The following MAP3K7CL variants were observed in gnomAD, a reference collection of about 807,000 sequenced individuals.
MAP3K7CL encodes the protein MAP3K7 C-terminal-like protein.
MAP3K7CL carries 16 observed loss-of-function variants against 18.6 expected under a neutral mutation model. The ratio of observed to expected loss-of-function variants is 0.86; its 90% CI spans 0.58 to 1.31. The LOEUF (loss-of-function observed/expected upper bound fraction) is 1.31, where lower values mean the gene tolerates loss of function less well. Among genes scored for constraint, MAP3K7CL ranks in the 50% most tolerant of loss-of-function variants. The pLI is 0.00. For missense variants in MAP3K7CL, 163 were observed against 174.4 expected, an observed-to-expected ratio of 0.93 and a Z score of 0.37; for synonymous variants, 65 against 66.8, an observed-to-expected ratio of 0.97 and a Z score of 0.13.
At chr21:29,093,079 T>C (rs544964953) in intron 4 of MAP3K7CL, among the ~76,000 whole-genome samples, 67 of 152,298 alleles carry the variant, frequency 4.4e-4, no homozygotes, top group East Asian at 1.9e-4. Context: ...AAGTTTTGTA[T>C]TTTTAGTAGA....
At chr21:29,116,348 T>C (rs1012959758) in intron 4 of MAP3K7CL, among the ~76,000 whole-genome samples, 5 of 152,136 alleles carry the variant, frequency 3.3e-5, no homozygotes, top group Non-Finnish European at 5.9e-5. Flanking sequence ...ATTTAAAAAA[T>C]ATAAATGTAA....
At chr21:29,108,773 A>G (rs563894036) in intron 4 of MAP3K7CL, among the ~76,000 whole-genome samples, 1 of 152,290 alleles carries the variant, frequency 6.6e-6, no homozygotes, top group African/African-American at 2.4e-5. Context: ...GATGTTTTGC[A>G]AACTGTAAAG....
At chr21:29,087,639 G>T (rs2085949142) in intron 1 of MAP3K7CL, among the ~76,000 whole-genome samples, 1 of 138,558 alleles carries the variant, frequency 7.2e-6, no homozygotes, top group Non-Finnish European at 1.5e-5. Context: ...TGTCTCCCAG[G>T]CTGAAGTGCA....
intron 4 of MAP3K7CL, among the ~76,000 whole-genome samples, chr21:29,102,968 C>A (rs1178209659): frequency 2.0e-5 from 3 of 152,170 alleles, no homozygotes; most frequent in Non-Finnish European, 2.9e-5. Flanking sequence ...GCTGCCCCCA[C>A]CAGCTAACAG....
intron 1 of MAP3K7CL, among the ~76,000 whole-genome samples, chr21:29,080,038 A>T (rs534990621): frequency 1.6e-4 from 25 of 152,342 alleles, no homozygotes; most frequent in African/African-American, 6.0e-4. Context: ...TTTAAATCCT[A>T]TTGGTGATAC....
At chr21:29,122,552 C>T (rs2086612592) in intron 4 of MAP3K7CL, among the ~76,000 whole-genome samples, 1 of 152,164 alleles carries the variant, frequency 6.6e-6, no homozygotes, top group African/African-American at 2.4e-5. Flanking sequence ...GGAACGTGGT[C>T]TTCCCCTGGA....
chr21:29,099,205 C>T (rs1181154894), intron 4 of MAP3K7CL, among the ~76,000 whole-genome samples: 2 of 151,966 alleles, frequency 1.3e-5, no homozygotes, highest in African/African-American at 4.8e-5. Flanking sequence ...ATCCTCCCAC[C>T]CCAGCTTCCC....
At position 29,151,899 on chromosome 21, in the gene MAP3K7CL, A is replaced by G. The variant is rs61120987; in HGVS notation, c.132+2649A>G. Among the ~76,000 whole-genome samples the G allele has an allele frequency of 8.1e-3, 1,232 of 152,304 alleles. 21 individuals are homozygous for G. Among genetic ancestry groups the G allele is most frequent in the African/African-American group, 0.028 (1,180 of 41,562 alleles). On this transcript the variant is annotated intron_variant, in intron 3 of 4. Transcript: ENST00000399928. ...CATATGTTAGAAATTAAGTCTATTTAATTATTTTATTCCAATGAAACTATT... is the reference window on the plus strand; with the variant it reads ...CATATGTTAGAAATTAAGTCTATTTGATTATTTTATTCCAATGAAACTATT...
intron 4 of MAP3K7CL, among the ~76,000 whole-genome samples, chr21:29,093,005 G>A (rs528199201): frequency 5.3e-5 from 8 of 152,324 alleles, no homozygotes; most frequent in African/African-American, 1.9e-4. Flanking sequence ...CTGGGTTCAA[G>A]CGATTCTCCT....
Position 29,110,249 on chromosome 21 carries a change from C to T in MAP3K7CL, c.370+17668C>T, listed in dbSNP as rs117630099. ...TTCATATTTCTTTGCCACCATATCC[C>T]TCCATCACTCACATCAATTACAATT... On this transcript the variant is annotated intron_variant, in intron 4 of 6. Transcript: ENST00000286791. 5.6e-3 allele frequency among the ~76,000 whole-genome samples: 849 copies of T among 152,298 alleles called. 4 individuals are homozygous for T. Among genetic ancestry groups the T allele is most frequent in the Middle Eastern group, 0.014 (4 of 294 alleles).
chr21:29,147,677 A>G (rs1320821324), intron 2 of MAP3K7CL, among the ~76,000 whole-genome samples: 1 of 150,876 alleles, frequency 6.6e-6, no homozygotes, highest in Non-Finnish European at 1.5e-5. Flanking sequence ...TACTGTCTCT[A>G]TTGTATATGT....
intron 4 of MAP3K7CL, among the ~76,000 whole-genome samples, chr21:29,161,734 C>T (rs1034770952): frequency 2.0e-5 from 3 of 151,846 alleles, no homozygotes; most frequent in Non-Finnish European, 2.9e-5. Context: ...TTACAAAAAG[C>T]GAATGAAATA....
chr21:29,161,228 T>C (rs2087540513), intron 4 of MAP3K7CL, among the ~76,000 whole-genome samples: 1 of 152,166 alleles, frequency 6.6e-6, no homozygotes, highest in African/African-American at 2.4e-5. Context: ...GAGAATCGCT[T>C]GAACCTGGGA....
intron 4 of MAP3K7CL, among the ~76,000 whole-genome samples, chr21:29,160,915 A>G (rs372968096): frequency 6.6e-6 from 1 of 152,258 alleles, no homozygotes; most frequent in African/African-American, 2.4e-5. Flanking sequence ...GAAACAGAAC[A>G]CAAACATATT....
At chr21:29,115,968 C>T (rs557684832) in intron 4 of MAP3K7CL, among the ~76,000 whole-genome samples, 1 of 152,316 alleles carries the variant, frequency 6.6e-6, no homozygotes, top group South Asian at 2.1e-4. Context: ...CTCAGAGTAA[C>T]GCAGTGAATT....
At position 29,174,783 on chromosome 21, in the gene MAP3K7CL, T is replaced by G. The variant is rs1270790540; in HGVS notation, c.320T>G (p.Phe107Cys). ...KVDAAELVRE[F>C]EALTEENRTL... ...GATGCTGCTGAGCTGGTTCGGGAAT[T>G]CGAGGCTCTGACGGAGGAGAATCGG... The change falls in exon 5 of 5, where the codon TTC (phenylalanine) becomes TGC (cysteine). Residue 107 changes from phenylalanine (F) to cysteine (C), a missense_variant. Transcript: ENST00000399928. The G allele has an allele frequency of 6.2e-6, 10 of 1,614,008 alleles. No homozygotes were observed. The highest frequency in any genetic ancestry group is 2.7e-5 in the African/African-American group (2 of 74,888).
At chr21:29,135,883 A>G (rs1304595147) in intron 2 of MAP3K7CL, among the ~76,000 whole-genome samples, 2 of 152,110 alleles carry the variant, frequency 1.3e-5, no homozygotes, top group African/African-American at 2.4e-5. Context: ...AAAACTCCCC[A>G]AATTAAGTAT....
At chr21:29,128,342 G>A (rs906752696), upstream of MAP3K7CL, among the ~76,000 whole-genome samples, 6 of 148,102 alleles carry the variant, frequency 4.1e-5, no homozygotes, top group East Asian at 2.0e-4. Context: ...TCACTCTGTC[G>A]CCCAGGCTGG....
chr21:29,129,308 T>TA (rs2086736028), upstream of MAP3K7CL, among the ~76,000 whole-genome samples: 1 of 152,242 alleles, frequency 6.6e-6, no homozygotes, highest in South Asian at 2.1e-4. Context: ...TTCACTGCCC[T>TA]AAAAATCCCT....
Sources: gnomAD v4.1 joint callset for allele counts (sites outside exome capture counted in the v4.1 genomes callset) on GRCh38, gnomAD v4.1.1 for gene constraint, MANE v1.5 for transcripts, NCBI Gene and HGNC (gene_info 2026-07-23, HGNC 2026-07-21) for gene names.